The following AFG1L variants were observed in gnomAD, a reference collection of about 807,000 sequenced individuals.
The protein encoded by AFG1L is AFG1-like ATPase.
AFG1L carries 53 observed loss-of-function variants against 62.2 expected under a neutral mutation model. That is an observed-to-expected ratio of 0.85 (90% CI 0.68 to 1.07). The LOEUF is 1.07. Ranked by LOEUF, AFG1L falls within the 50% of genes least tolerant of loss-of-function variation. The pLI is 0.00. For missense variants in AFG1L, 555 were observed against 590.5 expected, an observed-to-expected ratio of 0.94 and a Z score of 0.62; for synonymous variants, 228 against 210.3, an observed-to-expected ratio of 1.08 and a Z score of -0.73.
intron 8 of AFG1L, among the ~76,000 whole-genome samples, chr6:108,460,983 T>C (rs4946922): frequency 0.67 from 101,930 of 151,768 alleles, 35,926 homozygotes; most frequent in African/African-American, 0.9. Flanking sequence ...ACAACAACAA[T>C]GACAACAACA....
intron 8 of AFG1L, among the ~76,000 whole-genome samples, chr6:108,475,086 C>A (rs1302772996): frequency 6.6e-6 from 1 of 152,108 alleles, no homozygotes; most frequent in African/African-American, 2.4e-5. Context: ...GGAAGGGGTC[C>A]AGTTTTGGTT....
intron 8 of AFG1L, among the ~76,000 whole-genome samples, chr6:108,465,560 A>T (rs1200708607): frequency 1.3e-5 from 2 of 152,126 alleles, no homozygotes; most frequent in African/African-American, 4.8e-5. Flanking sequence ...GCATGGATAT[A>T]TTTCTGAATA....
chr6:108,381,591 T>A (rs1026209090), intron 6 of AFG1L, among the ~76,000 whole-genome samples: 3 of 151,900 alleles, frequency 2.0e-5, no homozygotes, highest in Non-Finnish European at 4.4e-5. Flanking sequence ...AAAAAAAAAA[T>A]TATAGTGTCA....
chr6:108,424,103 C>T (rs1376732873), intron 7 of AFG1L, among the ~76,000 whole-genome samples: 1 of 151,740 alleles, frequency 6.6e-6, no homozygotes, highest in Non-Finnish European at 1.5e-5. Flanking sequence ...TTTCTGGTTT[C>T]CATGATGTAA....
chr6:108,385,572 C>A (rs537090114), intron 6 of AFG1L, among the ~76,000 whole-genome samples: 2 of 152,264 alleles, frequency 1.3e-5, no homozygotes, highest in South Asian at 4.1e-4. Flanking sequence ...AATCTCTGTT[C>A]GAGGCTCTCA....
At chr6:108,401,764 ATTTGATTGAATACCT>A (rs936773811) in intron 6 of AFG1L, among the ~76,000 whole-genome samples, 2 of 152,116 alleles carry the variant, frequency 1.3e-5, no homozygotes, top group Non-Finnish European at 2.9e-5. Flanking sequence ...TTTAAAACTA[ATTTGATTGAATACCT>A]TTTGATCTTC....
At chr6:108,385,277 G>A (rs578229455) in intron 6 of AFG1L, among the ~76,000 whole-genome samples, 68 of 152,378 alleles carry the variant, frequency 4.5e-4, no homozygotes, top group African/African-American at 1.6e-3. Context: ...TGACACATTT[G>A]TGATGGCCAT....
At chr6:108,400,931 A>G (rs1221899237) in intron 6 of AFG1L, among the ~76,000 whole-genome samples, 1 of 145,520 alleles carries the variant, frequency 6.9e-6, no homozygotes, top group Non-Finnish European at 1.5e-5. Context: ...CTGTTGATGT[A>G]TTTTCTAAAA....
chr6:108,352,259 C>G (rs1311038229), intron 3 of AFG1L, among the ~76,000 whole-genome samples: 1 of 152,094 alleles, frequency 6.6e-6, no homozygotes, highest in Non-Finnish European at 1.5e-5. Context: ...CCTTTTGGGT[C>G]TGGATTATTT....
chr6:108,355,007 A>C (rs929534061), intron 3 of AFG1L, among the ~76,000 whole-genome samples: 3 of 152,152 alleles, frequency 2.0e-5, no homozygotes, highest in African/African-American at 7.2e-5. Context: ...TAAAAATAGA[A>C]GTGTTACAAT....
At chr6:108,472,236 T>C (rs1772924693) in intron 8 of AFG1L, among the ~76,000 whole-genome samples, 1 of 151,964 alleles carries the variant, frequency 6.6e-6, no homozygotes, top group Non-Finnish European at 1.5e-5. Flanking sequence ...GGGGAAGGGA[T>C]GAGGAGAGGT....
chr6:108,376,396 G>A (rs1227160052), intron 6 of AFG1L, among the ~76,000 whole-genome samples: 3 of 151,802 alleles, frequency 2.0e-5, no homozygotes, highest in Non-Finnish European at 4.4e-5. Context: ...TAGGTGTGAT[G>A]TTGGATTGTT....
At chr6:108,318,198 G>A in intron 1 of AFG1L, 1 of 274,138 alleles carries the variant, frequency 3.6e-6, no homozygotes. Context: ...CCCAAGGAAA[G>A]TGGCGTTATG....
At chr6:108,412,969 G>A (rs1419402796) in intron 7 of AFG1L, among the ~76,000 whole-genome samples, 1 of 152,082 alleles carries the variant, frequency 6.6e-6, no homozygotes, top group Non-Finnish European at 1.5e-5. Context: ...ACACAGACTG[G>A]CAAATTGGAT....
chr6:108,495,598 C>CG (rs1773944455), intron 10 of AFG1L, among the ~76,000 whole-genome samples: 1 of 152,208 alleles, frequency 6.6e-6, no homozygotes, highest in South Asian at 2.1e-4. Context: ...GATACCAAAG[C>CG]AGACAACTGG....
At chr6:108,376,151 T>G (rs2114534791) in intron 6 of AFG1L, among the ~76,000 whole-genome samples, 1 of 152,208 alleles carries the variant, frequency 6.6e-6, no homozygotes, top group Admixed American at 6.5e-5. Flanking sequence ...TGGGATTGGT[T>G]GGAATGTCAC....
chr6:108,463,541 T>C (rs1772549122), intron 8 of AFG1L, among the ~76,000 whole-genome samples: 1 of 152,104 alleles, frequency 6.6e-6, no homozygotes, highest in Non-Finnish European at 1.5e-5. Context: ...AAAAATACAA[T>C]ATATAGATTT....
intron 2 of AFG1L, among the ~76,000 whole-genome samples, chr6:108,328,650 G>T (rs959010526): frequency 1.3e-5 from 2 of 151,428 alleles, no homozygotes; most frequent in African/African-American, 4.9e-5. Context: ...CAATCTGTCT[G>T]CCCCAGCCTC....
intron 1 of AFG1L, among the ~76,000 whole-genome samples, chr6:108,311,793 C>G (rs566043142): frequency 1.6e-4 from 25 of 152,258 alleles, no homozygotes; most frequent in African/African-American, 5.3e-4. Context: ...CTTCACTAAA[C>G]TCTCCATTTT....
Sources: gnomAD v4.1 joint callset for allele counts (sites outside exome capture counted in the v4.1 genomes callset) on GRCh38, gnomAD v4.1.1 for gene constraint, MANE v1.5 for transcripts, NCBI Gene and HGNC (gene_info 2026-07-23, HGNC 2026-07-21) for gene names.